Variants in ZNF438 observed in about 807,000 individuals in gnomAD.
The protein encoded by ZNF438 is zinc finger protein 438.
Under a neutral mutation model 38.0 loss-of-function variants are expected in ZNF438, and 25 were observed. That is an observed-to-expected ratio of 0.66 (90% CI 0.48 to 0.92). ZNF438 has a LOEUF of 0.92. Ranked by LOEUF, ZNF438 falls within the 40% of genes least tolerant of loss-of-function variation. The pLI, the probability that ZNF438 is intolerant of heterozygous loss-of-function variation, is 0.00. For synonymous variants in ZNF438, 372 were observed against 364.1 expected, an observed-to-expected ratio of 1.02 and a Z score of -0.25; for missense variants, 1,007 against 999.6, an observed-to-expected ratio of 1.01 and a Z score of -0.10.
chr10:30,877,028 T>C, exon 4 of ZNF438: 4 of 1,606,138 alleles, frequency 2.5e-6, no homozygotes, highest in Middle Eastern at 1.7e-4. Context: ...GATACAGAAT[T>C]CTGCATTATG....
intron 1 of ZNF438, among the ~76,000 whole-genome samples, chr10:30,971,259 G>A (rs1279921737): frequency 6.6e-6 from 1 of 152,188 alleles, no homozygotes; most frequent in African/African-American, 2.4e-5. Context: ...CTAGCTCATA[G>A]TAACTACGCA....
chr10:31,016,850 A>C (rs1043034977), intron 1 of ZNF438, among the ~76,000 whole-genome samples: 2 of 152,202 alleles, frequency 1.3e-5, no homozygotes, highest in African/African-American at 4.8e-5. Context: ...ATACGTACCA[A>C]AGGTGGGAGT....
chr10:30,941,418 C>T (rs2046810385), intron 2 of ZNF438, among the ~76,000 whole-genome samples, 157 bp downstream of exon 3: 1 of 152,138 alleles, frequency 6.6e-6, no homozygotes, highest in Non-Finnish European at 1.5e-5. Context: ...AAGAAATCAT[C>T]TTTCCACTAT....
At chr10:30,874,250 G>A (rs113668555) in intron 4 of ZNF438, among the ~76,000 whole-genome samples, 25 of 150,970 alleles carry the variant, frequency 1.7e-4, no homozygotes, top group African/African-American at 5.6e-4. Flanking sequence ...CTATGCTCAA[G>A]CAATCCTCCT....
chr10:31,000,454 C>T (rs2132790455), intron 1 of ZNF438, among the ~76,000 whole-genome samples: 1 of 152,346 alleles, frequency 6.6e-6, no homozygotes, highest in Non-Finnish European at 1.5e-5. Flanking sequence ...ATGTATAATT[C>T]CTTTTTCTCT....
At chr10:30,867,627 C>G (rs2036678381) in intron 4 of ZNF438, among the ~76,000 whole-genome samples, 1 of 152,124 alleles carries the variant, frequency 6.6e-6, no homozygotes, top group South Asian at 2.1e-4. Flanking sequence ...CTTCCTATGT[C>G]TTTTGAGATT....
At chr10:30,852,251 C>G (rs2132843752) in intron 4 of ZNF438, among the ~76,000 whole-genome samples, 1 of 148,714 alleles carries the variant, frequency 6.7e-6, no homozygotes, top group African/African-American at 2.5e-5. Context: ...GCTCTTATTG[C>G]TTAGGTGAGT....
At position 30,959,310 on chromosome 10, in the gene ZNF438, G is replaced by A. The variant is rs952866585; in HGVS notation, c.-191-17659C>T. Among the ~76,000 whole-genome samples the A allele has an allele frequency of 2.0e-5, 3 of 146,628 alleles. No individual in the cohort carries two copies. In the South Asian group the frequency reaches 6.5e-4, roughly 32 times the overall value. On this transcript the variant is annotated intron_variant, in intron 1 of 5. Transcript: ENST00000413025. Reference sequence around the variant, plus strand: ...GTTGATGGCCTGAATAGAACAAAAGGATGACCTCCCTGGGCAAAAGGGAAG... The same window carrying A: ...GTTGATGGCCTGAATAGAACAAAAGAATGACCTCCCTGGGCAAAAGGGAAG...
At chr10:31,010,143 G>A (rs574134563) in intron 1 of ZNF438, among the ~76,000 whole-genome samples, 96 of 152,094 alleles carry the variant, frequency 6.3e-4, no homozygotes, top group African/African-American at 1.9e-3. Flanking sequence ...CACAGTGCCC[G>A]GACTTGTCAA....
At chr10:30,848,500 C>T (rs1359189142) in intron 5 of ZNF438, 31 bp downstream of exon 6, 1 of 1,578,406 alleles carries the variant, frequency 6.3e-7, no homozygotes, top group Non-Finnish European at 8.6e-7. Flanking sequence ...AACAGACTCT[C>T]TTGCCAGGTC....
At chr10:30,943,859 AAAACAAAC>A (rs10522911) in intron 1 of ZNF438, among the ~76,000 whole-genome samples, 12,105 of 150,662 alleles carry the variant, frequency 0.08, 573 homozygotes, top group Non-Finnish European at 0.11. Flanking sequence ...TTGAGATGGT[AAAACAAAC>A]AAACAAACAA....
chr10:30,948,101 G>A (rs931321873), intron 1 of ZNF438, among the ~76,000 whole-genome samples: 4 of 151,988 alleles, frequency 2.6e-5, no homozygotes, highest in African/African-American at 7.3e-5. Context: ...CCTGACCCCT[G>A]AGCAGCCTAA....
chr10:30,877,010 G>T (rs2038532131), exon 4 of ZNF438: 1 of 1,604,746 alleles, frequency 6.2e-7, no homozygotes, highest in Non-Finnish European at 8.5e-7. Context: ...TCATCTTTTG[G>T]TGGTACTGAT....
chr10:31,014,623 G>A (rs1231718583), intron 1 of ZNF438, among the ~76,000 whole-genome samples: 1 of 139,064 alleles, frequency 7.2e-6, no homozygotes, highest in Non-Finnish European at 1.6e-5. Flanking sequence ...AGCCTAGCGA[G>A]AATCTACACT....
At chr10:30,845,261 C>G (rs1245119487) in exon 6 of ZNF438, 3 of 1,614,042 alleles carry the variant, frequency 1.9e-6, no homozygotes, top group Non-Finnish European at 2.5e-6. Context: ...GAAGGTGGAG[C>G]TGCCTTTTCA....
intron 4 of ZNF438, among the ~76,000 whole-genome samples, chr10:30,861,178 C>G (rs1363632948): frequency 6.6e-6 from 1 of 152,150 alleles, no homozygotes; most frequent in Non-Finnish European, 1.5e-5. Context: ...TAAAATGGCA[C>G]AGTGTTTGCA....
In ZNF438 at chr10:30,959,367, C is replaced by T. The variant is rs1303690879; in HGVS notation, c.-191-17716G>A. Among the ~76,000 whole-genome samples, 2 of 146,546 alleles carry T rather than the reference C, an allele frequency of 1.4e-5. 1 individual carries two copies. Among genetic ancestry groups the T allele is most frequent in the Non-Finnish European group, 3.1e-5 (2 of 64,700 alleles). On this transcript the variant is annotated intron_variant, in intron 1 of 5. Coordinates refer to ENST00000413025, the Ensembl canonical transcript of ZNF438. The stretch of plus-strand genomic sequence containing the variant: ...GCAGACTCCCTTCAGACTTCATCTG[C>T]AACATTGGCTCTTCTGGTTTTCCAG...
intron 2 of ZNF438, among the ~76,000 whole-genome samples, chr10:30,921,415 C>A (rs1426310963): frequency 6.6e-6 from 1 of 152,110 alleles, no homozygotes; most frequent in African/African-American, 2.4e-5. Flanking sequence ...AGTTACCTAT[C>A]CTTTTCTTAA....
chr10:30,954,795 G>C (rs1480532575), intron 1 of ZNF438, among the ~76,000 whole-genome samples: 1 of 152,122 alleles, frequency 6.6e-6, no homozygotes, highest in Non-Finnish European at 1.5e-5. Context: ...CACTGAAAGG[G>C]ACAGAGATAG....
Sources: gnomAD v4.1 joint callset for allele counts (sites outside exome capture counted in the v4.1 genomes callset) on GRCh38, gnomAD v4.1.1 for gene constraint, MANE v1.5 for transcripts, NCBI Gene and HGNC (gene_info 2026-07-23, HGNC 2026-07-21) for gene names.